MSN: variants seen among roughly 807,000 people sequenced by gnomAD.
MSN encodes the protein moesin, also known as epididymis luminal protein 70.
Under a neutral mutation model 48.0 loss-of-function variants are expected in MSN, and 2 were observed. That is an observed-to-expected ratio of 0.04 (90% CI 0.02 to 0.13). MSN has a LOEUF of 0.13. Among genes scored for constraint, MSN ranks in the 10% least tolerant of loss-of-function variants. MSN has a pLI of 1.00. For missense variants in MSN, 267 were observed against 470.1 expected, an observed-to-expected ratio of 0.57 and a Z score of 3.99; for synonymous variants, 146 against 166.9, an observed-to-expected ratio of 0.87 and a Z score of 0.97.
intron 1 of MSN, among the ~76,000 whole-genome samples, chrX:65,637,788 A>C (rs1439454067): frequency 9.0e-6 from 1 of 110,635 alleles, no homozygotes; most frequent in Non-Finnish European, 1.9e-5. Flanking sequence ...TGGCCTCCTT[A>C]AAGTTCTAGG....
chrX:65,687,698 G>C (rs766354426), intron 1 of MSN, among the ~76,000 whole-genome samples: 13 of 111,790 alleles, frequency 1.2e-4, no homozygotes, highest in Non-Finnish European at 2.3e-4. Context: ...AACTCAGGTA[G>C]AGGCAGCATA....
intron 1 of MSN, among the ~76,000 whole-genome samples, chrX:65,696,727 T>G (rs1273627462): frequency 9.0e-6 from 1 of 111,467 alleles, no homozygotes; most frequent in Non-Finnish European, 1.9e-5. Flanking sequence ...GGTTAAATAG[T>G]TTTTACTAGT....
At chrX:65,693,944 T>C (rs868776130) in intron 1 of MSN, among the ~76,000 whole-genome samples, 3 of 110,590 alleles carry the variant, frequency 2.7e-5, no homozygotes, top group Admixed American at 1.9e-4. Flanking sequence ...TCCCAGCTAT[T>C]CGGGAGGCTG....
chrX:65,708,098 C>T (rs760330998), intron 1 of MSN, among the ~76,000 whole-genome samples: 1 of 111,018 alleles, frequency 9.0e-6, no homozygotes, highest in African/African-American at 3.3e-5. Flanking sequence ...TGTCCTCCCA[C>T]CTTGGTCTCC....
upstream of MSN, among the ~76,000 whole-genome samples, chrX:65,664,866 C>T (rs926921143): frequency 7.3e-5 from 8 of 109,559 alleles, no homozygotes; most frequent in Admixed American, 2.9e-4. Context: ...TCTCCTGCCT[C>T]AGCCTCTCGA....
chrX:65,639,981 CCCCAG>C (rs2070636482), intron 1 of MSN, among the ~76,000 whole-genome samples: 1 of 111,508 alleles, frequency 9.0e-6, no homozygotes, highest in East Asian at 2.8e-4. Context: ...GCTAGGGGTG[CCCCAG>C]TGAATGAGAC....
intron 1 of MSN, among the ~76,000 whole-genome samples, chrX:65,713,828 C>T (rs2071436497): frequency 9.0e-6 from 1 of 111,731 alleles, no homozygotes; most frequent in African/African-American, 3.3e-5. Context: ...ATTTAATTCC[C>T]ACTTATAAGT....
intron 1 of MSN, among the ~76,000 whole-genome samples, chrX:65,679,528 A>G (rs2071033884): frequency 8.9e-6 from 1 of 111,855 alleles, no homozygotes; most frequent in Non-Finnish European, 1.9e-5. Flanking sequence ...CTGATCCTGT[A>G]TTTTGTAAAT....
chrX:65,700,541 G>C (rs1000921324), intron 1 of MSN, among the ~76,000 whole-genome samples: 1 of 111,442 alleles, frequency 9.0e-6, no homozygotes. Flanking sequence ...GCCTTTAGCT[G>C]ATGGGGAGCC....
At chrX:65,713,769 A>G (rs1243744416) in intron 1 of MSN, among the ~76,000 whole-genome samples, 1 of 111,046 alleles carries the variant, frequency 9.0e-6, no homozygotes. Context: ...TTTCCTGATC[A>G]TCTCCCTCCT....
chrX:65,664,031 G>A (rs1265886699), upstream of MSN, among the ~76,000 whole-genome samples: 1 of 104,322 alleles, frequency 9.6e-6, no homozygotes, highest in Non-Finnish European at 2.0e-5. Flanking sequence ...CTGCACTCCA[G>A]CCTGGGTGAC....
In MSN at chrX:65,685,588, GTT is replaced by G. The variant is rs762358907; in HGVS notation, c.12+17739_12+17740del. 2.8e-3 allele frequency among the ~76,000 whole-genome samples: 313 copies of G among 111,105 alleles called. 3 individuals carry two copies. Among genetic ancestry groups the G allele is most frequent in the African/African-American group, 9.9e-3 (301 of 30,511 alleles). ...ACTTGTTAACATTAGCATCACTGAA[GTT>G]TTTGTTTTTGTTTTTGTTTTTTTGA... On this transcript the variant is annotated intron_variant, in intron 1 of 12. Coordinates refer to ENST00000360270, the MANE Select transcript of MSN (RefSeq NM_002444.3).
chrX:65,619,332 C>T (rs1259562909), intron 1 of MSN, among the ~76,000 whole-genome samples: 2 of 99,156 alleles, frequency 2.0e-5, no homozygotes, highest in Non-Finnish European at 1.9e-5. Context: ...CTCCACATCA[C>T]TTTCAGGTAC....
chrX:65,685,848 A>G (rs894249513), intron 1 of MSN, among the ~76,000 whole-genome samples: 3 of 112,570 alleles, frequency 2.7e-5, no homozygotes, highest in Admixed American at 1.9e-4. Context: ...GACCTCCCAA[A>G]GTGTTGGGAT....
intron 1 of MSN, among the ~76,000 whole-genome samples, chrX:65,673,618 C>A (rs1001640304): frequency 1.8e-5 from 2 of 111,741 alleles, no homozygotes; most frequent in African/African-American, 6.5e-5. Flanking sequence ...CCATGCCCAG[C>A]TAATTTTGTA....
intron 1 of MSN, among the ~76,000 whole-genome samples, chrX:65,643,904 G>A (rs1046938260): frequency 9.0e-6 from 1 of 111,566 alleles, no homozygotes; most frequent in Non-Finnish European, 1.9e-5. Context: ...GTTTTGAAAC[G>A]GAAAGTTCTG....
intron 1 of MSN, among the ~76,000 whole-genome samples, chrX:65,610,136 A>G (rs1487798127): frequency 8.9e-6 from 1 of 111,749 alleles, no homozygotes; most frequent in African/African-American, 3.3e-5. Flanking sequence ...ACCATTTTCA[A>G]GTGTTCAATT....
intron 1 of MSN, among the ~76,000 whole-genome samples, chrX:65,606,633 C>T (rs956657160): frequency 1.8e-5 from 2 of 111,859 alleles, no homozygotes; most frequent in Admixed American, 1.9e-4. Flanking sequence ...GTTGGCCAGG[C>T]TAGTTTCAAA....
At chrX:65,608,950 A>C (rs5964990) in intron 1 of MSN, among the ~76,000 whole-genome samples, 14,425 of 111,058 alleles carry the variant, frequency 0.13, 2,283 homozygotes, top group African/African-American at 0.45. Context: ...AGCTCATTAA[A>C]TGTCTACCAA....
Sources: gnomAD v4.1 joint callset for allele counts (sites outside exome capture counted in the v4.1 genomes callset) on GRCh38, gnomAD v4.1.1 for gene constraint, MANE v1.5 for transcripts, NCBI Gene and HGNC (gene_info 2026-07-23, HGNC 2026-07-21) for gene names.